Variants in DMD observed in about 807,000 individuals in gnomAD.
The protein encoded by DMD is mutant dystrophin.
A neutral mutation model predicts 330.1 loss-of-function variants in DMD; 63 were observed. The ratio of observed to expected loss-of-function variants is 0.19; its 90% CI spans 0.16 to 0.24. The LOEUF (loss-of-function observed/expected upper bound fraction) is 0.24. Ranked by LOEUF, DMD falls within the 10% of genes least tolerant of loss-of-function variation. The pLI is 1.00. For missense variants in DMD, 3,344 were observed against 2,684.1 expected (o/e 1.25, Z -5.43); for synonymous variants, 1,223 against 959.8 (o/e 1.27, Z -5.07).
chrX:32,061,936 T>C (rs2147682352), intron 44 of DMD, among the ~76,000 whole-genome samples: 1 of 111,394 alleles, frequency 9.0e-6, no homozygotes, highest in East Asian at 2.9e-4. Context: ...AACTCTTTAT[T>C]CTAATAAATT....
At chrX:32,124,671 C>T (rs1329514803) in intron 44 of DMD, among the ~76,000 whole-genome samples, 1 of 111,434 alleles carries the variant, frequency 9.0e-6, no homozygotes, top group East Asian at 2.8e-4. Flanking sequence ...TAGTGGGTGA[C>T]ACAGATAATA....
intron 62 of DMD, among the ~76,000 whole-genome samples, chrX:31,315,409 G>A (rs985071177): frequency 1.8e-5 from 2 of 111,839 alleles, no homozygotes; most frequent in African/African-American, 6.5e-5. Context: ...TAAGCAAATG[G>A]CTCAAACGAA....
chrX:32,199,407 A>T (rs1208558822), intron 44 of DMD, among the ~76,000 whole-genome samples: 2 of 110,995 alleles, frequency 1.8e-5, no homozygotes, highest in Non-Finnish European at 3.8e-5. Context: ...GAAATGAGTT[A>T]GTTTTCACTG....
intron 11 of DMD, among the ~76,000 whole-genome samples, chrX:32,632,634 T>A (rs1296207004): frequency 1.8e-5 from 2 of 110,931 alleles, no homozygotes; most frequent in African/African-American, 6.6e-5. Flanking sequence ...TCTGTGCACC[T>A]GCAGGCTTAT....
intron 18 of DMD, among the ~76,000 whole-genome samples, chrX:32,508,217 C>T (rs1208061046): frequency 1.8e-5 from 2 of 110,824 alleles, no homozygotes; most frequent in Non-Finnish European, 3.8e-5. Flanking sequence ...CACATAGACC[C>T]CAGAAAGAAG....
chrX:31,371,109 T>C (rs1180026533), intron 60 of DMD, among the ~76,000 whole-genome samples: 3 of 111,527 alleles, frequency 2.7e-5, no homozygotes, highest in South Asian at 3.8e-4. Context: ...ACTGACAATA[T>C]TGACGTCAAA....
chrX:32,144,294 A>G (rs2096768275), intron 44 of DMD, among the ~76,000 whole-genome samples: 1 of 111,855 alleles, frequency 8.9e-6, no homozygotes, highest in Non-Finnish European at 1.9e-5. Context: ...TAGAACATGG[A>G]CTGATTTTTC....
intron 60 of DMD, among the ~76,000 whole-genome samples, chrX:31,361,114 A>C (rs1427743570): frequency 9.0e-6 from 1 of 111,066 alleles, no homozygotes; most frequent in East Asian, 2.8e-4. Context: ...TAACACAAAC[A>C]AAAAACATGG....
chrX:31,494,449 T>C (rs1027055325), intron 57 of DMD, among the ~76,000 whole-genome samples: 1 of 111,850 alleles, frequency 8.9e-6, no homozygotes. Context: ...GAGGAACTAA[T>C]GTATAAAACA....
At chrX:31,519,722 A>G (rs1201560268) in intron 55 of DMD, among the ~76,000 whole-genome samples, 2 of 112,303 alleles carry the variant, frequency 1.8e-5, no homozygotes, top group Non-Finnish European at 3.8e-5. Context: ...GGTACTCTTT[A>G]GCCCACAGCA....
chrX:32,539,824 G>A (rs1470689516), intron 17 of DMD, among the ~76,000 whole-genome samples: 1 of 111,396 alleles, frequency 9.0e-6, no homozygotes, highest in African/African-American at 3.3e-5. Flanking sequence ...CAGGTATGTA[G>A]ATCAGTCAAT....
chrX:31,232,678 C>T (rs1244187083), intron 63 of DMD, among the ~76,000 whole-genome samples: 2 of 111,637 alleles, frequency 1.8e-5, no homozygotes, highest in South Asian at 3.8e-4. Context: ...AAACACCTCC[C>T]CCACTTGGAG....
intron 1 of DMD, among the ~76,000 whole-genome samples, chrX:33,130,679 G>A (rs771787364): frequency 3.4e-4 from 37 of 109,425 alleles, no homozygotes; most frequent in African/African-American, 1.2e-3. Context: ...CTCAGCCTCC[G>A]GAGCAGCTGG....
In DMD at chrX:32,443,138, A is replaced by G. The variant is rs150497502; in HGVS notation, c.3787-1824T>C. Among the ~76,000 whole-genome samples the G allele has an allele frequency of 6.0e-3, 666 of 110,773 alleles. 9 individuals carry two copies. The highest frequency in any genetic ancestry group is 0.021 in the African/African-American group (651 of 30,588). On this transcript the variant is annotated intron_variant, in intron 27 of 78. Transcript: ENST00000357033. ...TAAACACAATGCAGCAATCATCACCACTTACTACCACCTGCCCCCGCCTCA... is the reference window on the plus strand; with the variant it reads ...TAAACACAATGCAGCAATCATCACCGCTTACTACCACCTGCCCCCGCCTCA...
chrX:32,976,562 T>C (rs1013416453), intron 2 of DMD, among the ~76,000 whole-genome samples: 2 of 111,861 alleles, frequency 1.8e-5, no homozygotes. Flanking sequence ...AAATGTGCAC[T>C]TATTTTATTC....
At chrX:32,033,592 AGACAGACAGAC>A (rs1569534612) in intron 44 of DMD, among the ~76,000 whole-genome samples, 1,913 of 37,007 alleles carry the variant, frequency 0.052, 24 homozygotes, top group Non-Finnish European at 0.067. Flanking sequence ...AAAACAAGAC[AGACAGACAGAC>A]AGAAAGAAAG....
intron 9 of DMD, among the ~76,000 whole-genome samples, chrX:32,695,179 C>T (rs1442392394): frequency 2.7e-5 from 3 of 111,938 alleles, no homozygotes; most frequent in East Asian, 2.8e-4. Flanking sequence ...GAATCACCGT[C>T]GAGAAAGTGC....
At chrX:32,855,227 G>A (rs1487957236) in intron 2 of DMD, among the ~76,000 whole-genome samples, 1 of 111,932 alleles carries the variant, frequency 8.9e-6, no homozygotes, top group Non-Finnish European at 1.9e-5. Context: ...CATACTGAAT[G>A]GGGAAAAACT....
At chrX:31,212,166 ATGTGTGTGTG>A (rs1163798688) in intron 64 of DMD, among the ~76,000 whole-genome samples, 1,375 of 85,077 alleles carry the variant, frequency 0.016, 10 homozygotes, top group Admixed American at 0.025. Flanking sequence ...ATATATATAT[ATGTGTGTGTG>A]TATGTGTGTG....
Sources: gnomAD v4.1 joint callset for allele counts (sites outside exome capture counted in the v4.1 genomes callset) on GRCh38, gnomAD v4.1.1 for gene constraint, MANE v1.5 for transcripts, NCBI Gene and HGNC (gene_info 2026-07-23, HGNC 2026-07-21) for gene names.